Variants in ITFG2 observed in about 807,000 individuals in gnomAD.
ITFG2 encodes the protein KICSTOR complex protein ITFG2.
In ITFG2, 36 loss-of-function variants were observed where a neutral mutation model predicts 54.4. The ratio of observed to expected loss-of-function variants is 0.66; its 90% CI spans 0.51 to 0.87. The LOEUF (loss-of-function observed/expected upper bound fraction) is 0.87. Ranked by LOEUF, ITFG2 falls within the 40% of genes least tolerant of loss-of-function variation. The pLI is 0.00. For missense variants in ITFG2, 524 were observed against 576.7 expected (o/e 0.91, Z 0.94); for synonymous variants, 211 against 225.4 (o/e 0.94, Z 0.57).
chr12:2,829,815 C>T (rs1028908353), downstream of ITFG2, among the ~76,000 whole-genome samples: 7 of 149,104 alleles, frequency 4.7e-5, no homozygotes, highest in African/African-American at 7.5e-5. Flanking sequence ...CGGTGGCTCA[C>T]GCCTGTAATC....
chr12:2,818,308 G>A, intron 4 of ITFG2, 31 bp downstream of exon 4: 2 of 1,607,120 alleles, frequency 1.2e-6, no homozygotes, highest in South Asian at 2.2e-5. Flanking sequence ...AGGCAGCCAG[G>A]AGAGTAGGAG....
chr12:2,835,104 T>C (rs2098022197), upstream of ITFG2: 1 of 1,436,302 alleles, frequency 7.0e-7, no homozygotes, highest in Non-Finnish European at 9.1e-7. Flanking sequence ...GCTGGCTGAC[T>C]TGGCCGCATC....
intron 2 of ITFG2, among the ~76,000 whole-genome samples, chr12:2,849,800 C>T (rs891070715): frequency 6.6e-6 from 1 of 152,160 alleles, no homozygotes; most frequent in African/African-American, 2.4e-5. Flanking sequence ...ATATTATGAT[C>T]CAGATCCCAA....
At chr12:2,821,120 G>C in intron 6 of ITFG2, 142 bp from the exon 7 acceptor site, 1 of 748,198 alleles carries the variant, frequency 1.3e-6, no homozygotes, top group Non-Finnish European at 2.2e-6. Flanking sequence ...TTTTCTGTTT[G>C]CCACATGGGC....
At position 2,824,326 on chromosome 12, in the gene ITFG2, G is replaced by A. The variant is rs947740652; in HGVS notation, c.*133G>A. ...GATTTGACTCTGGGCATGAAAGATGGCAGCAGCCCTAGGGTGACCGTGAAC... is the reference window on the plus strand; with the variant it reads ...GATTTGACTCTGGGCATGAAAGATGACAGCAGCCCTAGGGTGACCGTGAAC... On this transcript the variant is annotated 3_prime_UTR_variant, in exon 12 of 12. Coordinates refer to ENST00000228799, the MANE Select transcript of ITFG2 (RefSeq NM_018463.4). 1.3e-4 allele frequency: 122 copies of A among 938,506 alleles called. No homozygotes were observed. Among genetic ancestry groups the A allele is most frequent in the Non-Finnish European group, 1.9e-4 (112 of 594,896 alleles). The allele number at this position is 938,506 out of a possible 1,614,324, so 58.1% of individuals were successfully genotyped here. A position where few individuals can be genotyped will look rare whatever the true frequency, so the allele number is the denominator to read the frequency against.
At chr12:2,833,563 G>A (rs1182765064), upstream of ITFG2, among the ~76,000 whole-genome samples, 2 of 152,052 alleles carry the variant, frequency 1.3e-5, no homozygotes, top group African/African-American at 4.8e-5. Context: ...CAGGCCTGCA[G>A]ACATGCTTCC....
intron 2 of ITFG2, among the ~76,000 whole-genome samples, chr12:2,843,333 C>A (rs764772937): frequency 9.9e-5 from 15 of 152,190 alleles, no homozygotes; most frequent in Non-Finnish European, 1.8e-4. Context: ...CTCCCTACTG[C>A]CATCCCAAAG....
At position 2,817,223 on chromosome 12, in the gene ITFG2, T is replaced by A. The variant is rs1193383088; in HGVS notation, c.97T>A (p.Leu33Ile). Residue 33 changes from leucine to isoleucine, a missense_variant and splice_region_variant, in exon 2 of 12, where the codon TTA becomes ATA. Transcript: ENST00000228799. ...CGCTTTCTTCTCTCTCCATTTGAAG[T>A]TAAATGAACTGGTGGTGGGAGACAC... The part of the protein sequence containing the change: ...ICLGDVDNDT[L>I]NELVVGDTSG... 6.2e-7 allele frequency: 1 copy of A among 1,609,314 alleles called. No individual in the cohort carries two copies. Among genetic ancestry groups the A allele is most frequent in the South Asian group, 1.1e-5 (1 of 90,752 alleles).
chr12:2,841,227 C>T (rs2098040298), intron 2 of ITFG2, among the ~76,000 whole-genome samples: 1 of 152,254 alleles, frequency 6.6e-6, no homozygotes, highest in Admixed American at 6.5e-5. Context: ...GATCCCGCTG[C>T]TCAGTCACCC....
At position 2,824,175 on chromosome 12, in the gene ITFG2, C is replaced by G. The variant is rs759294429; in HGVS notation, c.1326C>G (p.Ser442Arg). The G allele has an allele frequency of 3.7e-6, 6 of 1,614,150 alleles. No homozygotes were observed. The South Asian group carries it at 4.4e-5, about 12-fold the overall frequency. ...AGCCACCACAGTGTGCTCCCTCAAG[C>G]CTCCAGGATCCCACCTAGCTGTACT... ...PDQPPQCAPS[S>R]LQDPT Residue 442 changes from serine (S) to arginine (R), a missense_variant, in exon 12 of 12, where the codon AGC becomes AGG. Coordinates refer to ENST00000228799, the MANE Select transcript of ITFG2 (RefSeq NM_018463.4).
At chr12:2,854,498 A>G (rs533253946) in intron 2 of ITFG2, among the ~76,000 whole-genome samples, 9 of 152,320 alleles carry the variant, frequency 5.9e-5, no homozygotes, top group African/African-American at 1.9e-4. Context: ...CCTTCGGGCT[A>G]CAGCTTTCAC....
chr12:2,835,159 ATGTGTGTG>A (rs375198605), upstream of ITFG2: 178 of 1,127,378 alleles, frequency 1.6e-4, no homozygotes, highest in Non-Finnish European at 1.8e-4. Flanking sequence ...GATGGGGCGT[ATGTGTGTG>A]TGTGTGTGTG....
chr12:2,826,936 G>T (rs2097969937), downstream of ITFG2: 4 of 1,266,940 alleles, frequency 3.2e-6, no homozygotes, highest in South Asian at 3.5e-5. Flanking sequence ...CTGTGGTCTT[G>T]ATTTGGCTTT....
rs11062378 is a variant in ITFG2, at chr12:2,843,335, A to T, written n.300+2340A>T. On this transcript the variant is annotated intron_variant and non_coding_transcript_variant, in intron 2 of 3. Transcript: ENST00000537710. ...CAGGAGAGCACACCTCCCTACTGCC[A>T]TCCCAAAGAGGTGGATCTTCCAAAG... Among the ~76,000 whole-genome samples the T allele has an allele frequency of 7.3e-3, 1,119 of 152,314 alleles. 9 individuals are homozygous for T. Among genetic ancestry groups the T allele is most frequent in the Non-Finnish European group, 0.013 (897 of 68,020 alleles).
intron 1 of ITFG2, among the ~76,000 whole-genome samples, chr12:2,813,537 A>G (rs2097914368): frequency 6.6e-6 from 1 of 152,242 alleles, no homozygotes; most frequent in South Asian, 2.1e-4. Context: ...TCACCGGATA[A>G]TAAAATGTAA....
rs74054751 is a variant in ITFG2 at position 2,824,659 on chromosome 12, T to C, written c.*466T>C. On this transcript the variant is annotated 3_prime_UTR_variant, in exon 12 of 12. Transcript: ENST00000228799. ...TTGACGTTAGTAATTGTTAAAGGAA[T>C]GGCAAACTGTTTTGTTTTGAAGGAT... 3,707 of 190,912 alleles carry C rather than the reference T, an allele frequency of 0.019. 144 individuals carry two copies. Among genetic ancestry groups the C allele is most frequent in the African/African-American group, 0.082 (3,519 of 42,804 alleles). The allele number at this position is 190,912 out of a possible 1,614,324, so 11.8% of individuals were successfully genotyped here. A position where few individuals can be genotyped will look rare whatever the true frequency, so the allele number is the denominator to read the frequency against.
At position 2,821,706 on chromosome 12, in the gene ITFG2, A is replaced by T; in HGVS notation, c.862A>T (p.Met288Leu). The change falls in exon 9 of 12, where the codon ATG (methionine) becomes TTG (leucine). Residue 288 changes from methionine to leucine, a missense_variant. Transcript: ENST00000228799. ...TCCCCCGGCAGGGACACTGAAGCTCATGGAAGAAATGGAAGAAGCAGACAA... is the reference window on the plus strand; with the variant it reads ...TCCCCCGGCAGGGACACTGAAGCTCTTGGAAGAAATGGAAGAAGCAGACAA... ...LCTLDGTLKL[M>L]EEMEEADKLL... 3.1e-6 allele frequency: 5 copies of T among 1,614,110 alleles called. No individual in the cohort carries two copies. The highest frequency in any genetic ancestry group is 4.2e-6 in the Non-Finnish European group (5 of 1,179,998).
Position 2,818,249 on chromosome 12 carries a change from C to T in ITFG2, c.378C>T (p.Asn126=), listed in dbSNP as rs1164976159. ...TCTTCAAGCAGCACATCCCTGCCAA[C>T]ACCAAGGTCATGCTGATCAGCGACA... ...RPVFKQHIPA[N]TKVMLISDID... Residue 126 remains asparagine (N), a synonymous_variant, in exon 4 of 12, where the codon AAC becomes AAT. Transcript: ENST00000228799. The T allele has an allele frequency of 6.2e-7, 1 of 1,613,638 alleles. No individual in the cohort carries two copies. Among genetic ancestry groups the T allele is most frequent in the Non-Finnish European group, 8.5e-7 (1 of 1,180,056 alleles).
rs1191391721 is a variant in ITFG2, at chr12:2,812,670, CT to C, written c.-89del. 9.8e-7 allele frequency: 1 copy of C among 1,015,904 alleles called. No homozygotes were observed. The highest frequency in any genetic ancestry group is 2.4e-5 in the East Asian group (1 of 41,350). The allele number at this position is 1,015,904 out of a possible 1,614,324, so 62.9% of individuals were successfully genotyped here. On this transcript the variant is annotated 5_prime_UTR_variant, in exon 1 of 12. Coordinates refer to ENST00000228799, the MANE Select transcript of ITFG2 (RefSeq NM_018463.4). ...TTCAGGCAGTGACGTAACTTGCTGC[CT>C]TAGGTGGCCTTCCGCTCTGGCGGCT...
Sources: gnomAD v4.1 joint callset for allele counts (sites outside exome capture counted in the v4.1 genomes callset) on GRCh38, gnomAD v4.1.1 for gene constraint, MANE v1.5 for transcripts, NCBI Gene and HGNC (gene_info 2026-07-23, HGNC 2026-07-21) for gene names.